PDE8A: variants seen among roughly 807,000 people sequenced by gnomAD.
PDE8A encodes the protein phosphodiesterase 8A, also known as high affinity cAMP-specific and IBMX-insensitive 3',5'-cyclic phosphodiesterase 8A.
A neutral mutation model predicts 105.0 loss-of-function variants in PDE8A; 59 were observed. That is an observed-to-expected ratio of 0.56 (90% CI 0.46 to 0.70). The LOEUF (loss-of-function observed/expected upper bound fraction) is 0.70, where lower values mean the gene tolerates loss of function less well. Ranked by LOEUF, PDE8A falls within the 30% of genes least tolerant of loss-of-function variation. The pLI is 0.00. For missense variants in PDE8A, 1,014 were observed against 1,045.9 expected, an observed-to-expected ratio of 0.97 and a Z score of 0.42; for synonymous variants, 355 against 371.9, an observed-to-expected ratio of 0.95 and a Z score of 0.52.
intron 11 of PDE8A, among the ~76,000 whole-genome samples, chr15:85,102,839 CA>C (rs35165347): frequency 0.1 from 11,553 of 111,130 alleles, 1,215 homozygotes; most frequent in African/African-American, 0.3. Flanking sequence ...AACTCCATCT[CA>C]AAAAAAAAAA....
chr15:85,012,461 C>T (rs879669748), intron 1 of PDE8A, among the ~76,000 whole-genome samples: 3 of 149,762 alleles, frequency 2.0e-5, no homozygotes, highest in Non-Finnish European at 4.4e-5. Context: ...AAAAACCAAA[C>T]ACCGCATGTT....
intron 14 of PDE8A, among the ~76,000 whole-genome samples, 153 bp downstream of exon 14, chr15:85,114,190 A>G (rs1292253796): frequency 6.6e-6 from 1 of 152,162 alleles, no homozygotes; most frequent in African/African-American, 2.4e-5. Context: ...GGGTTCTGCT[A>G]TTCTCTGGCC....
intron 1 of PDE8A, among the ~76,000 whole-genome samples, chr15:84,988,358 G>T (rs1343664308): frequency 6.6e-6 from 1 of 152,198 alleles, no homozygotes; most frequent in African/African-American, 2.4e-5. Flanking sequence ...GCATTATCAG[G>T]ATTTTGTTAA....
chr15:85,078,253 A>C (rs2081408775), intron 5 of PDE8A, among the ~76,000 whole-genome samples: 1 of 100,824 alleles, frequency 9.9e-6, no homozygotes, highest in African/African-American at 6.0e-5. Flanking sequence ...AACAAGTGGA[A>C]AACAAGACAG....
chr15:85,119,468 C>CAAAAAAAAAAAAAAAAACAAAAAA (rs546194907), intron 17 of PDE8A, among the ~76,000 whole-genome samples: 1 of 58,562 alleles, frequency 1.7e-5, no homozygotes, highest in East Asian at 1.2e-3. Flanking sequence ...ACTCTCGTCT[C>CAAAAAAAAAAAAAAAAACAAAAAA]AAAAAAAAAA....
At chr15:85,110,423 C>T (rs2082004559) in intron 12 of PDE8A, among the ~76,000 whole-genome samples, 1 of 152,092 alleles carries the variant, frequency 6.6e-6, no homozygotes, top group African/African-American at 2.4e-5. Flanking sequence ...GTAGTCACCA[C>T]CCAAAATAGA....
At chr15:85,083,399 C>T (rs949229390) in intron 5 of PDE8A, among the ~76,000 whole-genome samples, 157 bp from the exon 6 acceptor site, 4 of 151,988 alleles carry the variant, frequency 2.6e-5, no homozygotes, top group African/African-American at 9.7e-5. Context: ...ATCTGGTGCC[C>T]ATAAAGTTTC....
intron 1 of PDE8A, among the ~76,000 whole-genome samples, chr15:85,012,710 A>T (rs968994454): frequency 6.5e-5 from 9 of 137,542 alleles, no homozygotes; most frequent in East Asian, 2.0e-4. Context: ...ATAATAGAAT[A>T]AAAAAAAAAG....
intron 1 of PDE8A, among the ~76,000 whole-genome samples, chr15:85,050,229 T>C (rs1284068329): frequency 2.0e-5 from 3 of 152,236 alleles, no homozygotes; most frequent in African/African-American, 7.2e-5. Context: ...TTATCAGATA[T>C]ATGATTGGCA....
intron 1 of PDE8A, among the ~76,000 whole-genome samples, chr15:85,013,321 T>G (rs556459356): frequency 6.6e-6 from 1 of 152,364 alleles, no homozygotes; most frequent in Admixed American, 6.5e-5. Context: ...TGTGCACTTT[T>G]AACAAGTTAT....
intron 14 of PDE8A, 90 bp downstream of exon 14, chr15:85,114,127 G>T: frequency 9.0e-7 from 1 of 1,109,762 alleles, no homozygotes; most frequent in Non-Finnish European, 1.3e-6. Flanking sequence ...TATTGAAGAG[G>T]CAGGCAGGGC....
At chr15:84,982,615 TC>T (rs761099824) in intron 1 of PDE8A, among the ~76,000 whole-genome samples, 1 of 152,170 alleles carries the variant, frequency 6.6e-6, no homozygotes, top group Non-Finnish European at 1.5e-5. Context: ...CACATCCGAC[TC>T]CCGGAGCGGC....
chr15:85,041,753 G>T (rs2080811895), intron 1 of PDE8A, among the ~76,000 whole-genome samples: 2 of 152,132 alleles, frequency 1.3e-5, no homozygotes, highest in South Asian at 4.1e-4. Flanking sequence ...TTCAGCCTGG[G>T]CTGTTGCTGC....
intron 5 of PDE8A, among the ~76,000 whole-genome samples, chr15:85,079,111 A>G (rs1716398234): frequency 2.0e-5 from 3 of 152,204 alleles, no homozygotes; most frequent in Non-Finnish European, 4.4e-5. Flanking sequence ...GTCTTTCTTT[A>G]TAGATGTACC....
chr15:85,131,157 AT>A (rs770515778), intron 20 of PDE8A, among the ~76,000 whole-genome samples: 1 of 151,996 alleles, frequency 6.6e-6, no homozygotes, highest in Non-Finnish European at 1.5e-5. Flanking sequence ...CCATCCTTTC[AT>A]TTTCAACATA....
intron 1 of PDE8A, among the ~76,000 whole-genome samples, chr15:85,036,399 C>A (rs1216344416): frequency 6.6e-6 from 1 of 152,194 alleles, no homozygotes; most frequent in Non-Finnish European, 1.5e-5. Flanking sequence ...GTGTTAGAGA[C>A]ATTGAAGGAC....
intron 5 of PDE8A, among the ~76,000 whole-genome samples, chr15:85,081,087 T>C (rs1019661471): frequency 6.6e-6 from 1 of 152,150 alleles, no homozygotes. Flanking sequence ...AGAAGAAGAG[T>C]TAGACCTGGA....
At position 85,024,521 on chromosome 15, in the gene PDE8A, C is replaced by T. The variant is rs143504605; in HGVS notation, c.187-39849C>T. On this transcript the variant is annotated intron_variant, in intron 1 of 21. Coordinates refer to ENST00000394553, the MANE Select transcript of PDE8A (RefSeq NM_002605.3). ...AGTGACCAACTAATTTCTATGTGGG[C>T]CAGTCAGTCTTTCATCTTGCTTAGG... Among the ~76,000 whole-genome samples, 475 of 151,804 alleles carry T rather than the reference C, an allele frequency of 3.1e-3. 3 individuals carry two copies. Among genetic ancestry groups the T allele is most frequent in the African/African-American group, 0.011 (461 of 41,432 alleles).
intron 1 of PDE8A, among the ~76,000 whole-genome samples, chr15:85,041,512 A>G (rs1010310528): frequency 6.6e-6 from 1 of 152,198 alleles, no homozygotes; most frequent in African/African-American, 2.4e-5. Context: ...CAAAATGTTT[A>G]TGCACTTATG....
Sources: gnomAD v4.1 joint callset for allele counts (sites outside exome capture counted in the v4.1 genomes callset) on GRCh38, gnomAD v4.1.1 for gene constraint, MANE v1.5 for transcripts, NCBI Gene and HGNC (gene_info 2026-07-23, HGNC 2026-07-21) for gene names.